The following DHODH variants were observed in gnomAD, a reference collection of about 807,000 sequenced individuals.
The protein encoded by DHODH is dihydroorotate dehydrogenase (quinone), mitochondrial.
Under a neutral mutation model 39.7 loss-of-function variants are expected in DHODH, and 30 were observed. The observed-to-expected ratio is 0.76, with a 90% confidence interval of 0.57 to 1.02. The LOEUF is 1.02. DHODH is among the 50% of genes least tolerant of loss of function. The pLI, the probability that DHODH is intolerant of heterozygous loss-of-function variation, is 0.00. For synonymous variants in DHODH, 222 were observed against 213.8 expected (o/e 1.04, Z -0.34); for missense variants, 531 against 520.8 (o/e 1.02, Z -0.19).
At chr16:72,017,552 G>C (rs2041155045) in intron 4 of DHODH, among the ~76,000 whole-genome samples, 1 of 152,158 alleles carries the variant, frequency 6.6e-6, no homozygotes, top group African/African-American at 2.4e-5. Context: ...TCAAGAAACA[G>C]ATACTCCTCC....
intron 3 of DHODH, chr16:72,016,673 AG>A: frequency 2.8e-6 from 1 of 363,584 alleles, no homozygotes; most frequent in Non-Finnish European, 5.3e-6. Flanking sequence ...GAGTGGCTGC[AG>A]GGGCTTCAGG....
intron 4 of DHODH, among the ~76,000 whole-genome samples, chr16:72,017,856 C>T (rs540362249): frequency 6.0e-5 from 9 of 149,054 alleles, no homozygotes; most frequent in African/African-American, 2.0e-4. Flanking sequence ...ACTGCAAGCT[C>T]TGCTTCCCGC....
intron 1 of DHODH, among the ~76,000 whole-genome samples, chr16:72,011,734 T>A (rs1237339580): frequency 6.6e-6 from 1 of 152,230 alleles, no homozygotes; most frequent in Non-Finnish European, 1.5e-5. Flanking sequence ...TATGGATTCC[T>A]GCCCACCACA....
At chr16:72,008,959 C>T (rs966382050) in intron 1 of DHODH, 174 bp downstream of exon 1, 318 of 1,502,966 alleles carry the variant, frequency 2.1e-4, no homozygotes, top group Admixed American at 2.1e-4. Flanking sequence ...TGCATTTGCA[C>T]GTGGACTCGG....
chr16:72,013,925 G>A (rs2041111632), intron 2 of DHODH, among the ~76,000 whole-genome samples: 1 of 152,206 alleles, frequency 6.6e-6, no homozygotes. Flanking sequence ...CTGCCCAGCT[G>A]AACATCTTCC....
chr16:72,021,868 AG>A (rs2041221184), intron 5 of DHODH, among the ~76,000 whole-genome samples: 1 of 152,128 alleles, frequency 6.6e-6, no homozygotes, highest in Non-Finnish European at 1.5e-5. Context: ...AGGCCGAGGC[AG>A]GCAGATCACT....
At position 72,021,203 on chromosome 16, in the gene DHODH, C is replaced by T. The variant is rs372858879; in HGVS notation, c.597C>T (p.Arg199=). The T allele has an allele frequency of 3.6e-5, 58 of 1,611,012 alleles. 1 individual carries two copies. Among genetic ancestry groups the T allele is most frequent in the South Asian group, 2.3e-4 (21 of 90,360 alleles). ...DAAEDYAEGV[R]VLGPLADYLV... is the part of the protein sequence containing the mutation. ...CGGAGGACTACGCAGAAGGGGTGCG[C>T]GTACTGGGCCCCCTGGCCGACTACC... The change falls in exon 5 of 9, where the codon CGC becomes CGT. Residue 199 remains arginine, a synonymous_variant. Transcript: ENST00000219240.
At position 72,012,048 on chromosome 16, in the gene DHODH, A is replaced by C; in HGVS notation, c.22-2A>C. 6.2e-7 allele frequency: 1 copy of C among 1,613,934 alleles called. No individual in the cohort carries two copies. The highest frequency in any genetic ancestry group is 8.5e-7 in the Non-Finnish European group (1 of 1,179,930). The stretch of plus-strand genomic sequence containing the variant: ...ACCCCCCTAATATGCTCTTTTTTGC[A>C]GAAGCGGGCCCAGGATGCTGTGATC... On this transcript the variant is annotated splice_acceptor_variant, in intron 1 of 8. Coordinates refer to ENST00000219240, the MANE Select transcript of DHODH (RefSeq NM_001361.5). LOFTEE classifies it high-confidence loss of function.
At chr16:72,020,827 C>T (rs2041205031) in intron 4 of DHODH, among the ~76,000 whole-genome samples, 2 of 152,062 alleles carry the variant, frequency 1.3e-5, no homozygotes, top group Admixed American at 6.5e-5. Flanking sequence ...CATCTTTTGC[C>T]CCACAAGTAT....
At chr16:72,016,511 C>A (rs751515842) in intron 3 of DHODH, 32 of 227,528 alleles carry the variant, frequency 1.4e-4, no homozygotes, top group Non-Finnish European at 2.3e-4. Context: ...TGTATCTATC[C>A]CAAGCCAGGA....
At chr16:72,012,870 T>TA (rs1446512350) in intron 2 of DHODH, among the ~76,000 whole-genome samples, 3 of 152,156 alleles carry the variant, frequency 2.0e-5, no homozygotes, top group African/African-American at 4.8e-5. Flanking sequence ...GAAGTGTAGA[T>TA]ACAGCCTCTG....
intron 6 of DHODH, 32 bp downstream of exon 6, chr16:72,022,507 C>T: frequency 6.6e-7 from 1 of 1,520,994 alleles, no homozygotes; most frequent in Non-Finnish European, 8.9e-7. Flanking sequence ...CAGGGTGTGC[C>T]TCCCATGGTC....
chr16:72,015,863 G>C (rs2041136414), intron 3 of DHODH: 1 of 985,342 alleles, frequency 1.0e-6, no homozygotes, highest in Admixed American at 6.1e-5. Context: ...CATGTGGTAA[G>C]TGTGTAGTAA....
At chr16:72,012,363 A>C in intron 2 of DHODH, 101 bp downstream of exon 2, 1 of 998,804 alleles carries the variant, frequency 1.0e-6, no homozygotes, top group South Asian at 1.3e-5. Flanking sequence ...CAGAACCCCA[A>C]GTGAGCAGTG....
chr16:72,008,871 C>A, intron 1 of DHODH, 86 bp downstream of exon 1: 2 of 1,550,256 alleles, frequency 1.3e-6, no homozygotes, highest in South Asian at 2.4e-5. Flanking sequence ...GAGGCATGGA[C>A]CGAAGGCGGC....
chr16:72,026,310 T>C lies in DHODH; in HGVS notation c.*2111T>C, dbSNP rs1213526383. The C allele has an allele frequency of 6.6e-6, 1 of 152,148 alleles. No individual in the cohort carries two copies. The highest frequency in any genetic ancestry group is 1.5e-5 in the Non-Finnish European group (1 of 68,200). 9.4% of individuals were successfully genotyped at this position (152,148 alleles called of 1,614,324 possible). ...ACCTAATAGCTTCAGGACTGAACAA[T>C]TCAGGAAAGGGAAGGGAAGGGGTGG... is the stretch of plus-strand genomic sequence containing the variant. On this transcript the variant is annotated 3_prime_UTR_variant, in exon 9 of 9. Transcript: ENST00000219240.
intron 5 of DHODH, 52 bp downstream of exon 5, chr16:72,021,363 G>T: frequency 6.5e-7 from 1 of 1,541,420 alleles, no homozygotes; most frequent in Non-Finnish European, 8.7e-7. Flanking sequence ...TGTCCCACCT[G>T]CTCCCCTTCA....
At chr16:72,020,040 G>A (rs887500129) in intron 4 of DHODH, among the ~76,000 whole-genome samples, 62 of 152,026 alleles carry the variant, frequency 4.1e-4, no homozygotes, top group African/African-American at 1.4e-3. Context: ...CACTTTGGGA[G>A]GCTGAGGTGG....
rs374360785 is a variant in DHODH at position 72,021,088 on chromosome 16, T to G, written c.518-36T>G. On this transcript the variant is annotated intron_variant, in intron 4 of 8. Transcript: ENST00000219240. ...CCTCAGAAGGTGGCACAGGAAAGGG[T>G]GTGCGGGGTGCAGGCCTGACCAGCG... is the stretch of plus-strand genomic sequence containing the variant. 2,330 of 1,567,782 alleles carry G rather than the reference T, an allele frequency of 1.5e-3. 2 individuals carry two copies. Among genetic ancestry groups the G allele is most frequent in the Non-Finnish European group, 1.9e-3 (2,139 of 1,153,702 alleles).
Sources: gnomAD v4.1 joint callset for allele counts (sites outside exome capture counted in the v4.1 genomes callset) on GRCh38, gnomAD v4.1.1 for gene constraint, MANE v1.5 for transcripts, NCBI Gene and HGNC (gene_info 2026-07-23, HGNC 2026-07-21) for gene names.